NUBPL: variants seen among roughly 807,000 people sequenced by gnomAD.
NUBPL encodes iron-sulfur cluster transfer protein NUBPL.
Under a neutral mutation model 45.7 loss-of-function variants are expected in NUBPL, and 31 were observed. The ratio of observed to expected loss-of-function variants is 0.68; its 90% CI spans 0.51 to 0.92. The LOEUF (loss-of-function observed/expected upper bound fraction) is 0.92, where lower values mean the gene tolerates loss of function less well. NUBPL is among the 40% of genes least tolerant of loss of function. The pLI, the probability that NUBPL is intolerant of heterozygous loss-of-function variation, is 0.00. For synonymous variants in NUBPL, 144 were observed against 140.9 expected (o/e 1.02, Z -0.15); for missense variants, 401 against 398.7 (o/e 1.01, Z -0.05).
intron 4 of NUBPL, among the ~76,000 whole-genome samples, chr14:31,634,737 C>T (rs2035440571): frequency 6.6e-6 from 1 of 151,980 alleles, no homozygotes; most frequent in East Asian, 1.9e-4. Flanking sequence ...TCTCCACATC[C>T]TCTCCAGCAC....
chr14:31,561,486 G>T lies in NUBPL; in HGVS notation c.47G>T (p.Arg16Leu). The T allele has an allele frequency of 7.1e-7, 1 of 1,403,598 alleles. No homozygotes were observed. Among genetic ancestry groups the T allele is most frequent in the Non-Finnish European group, 9.3e-7 (1 of 1,070,334 alleles). 86.9% of individuals were successfully genotyped at this position (1,403,598 alleles called of 1,614,324 possible). A position where few individuals can be genotyped will look rare whatever the true frequency, so the allele number is the denominator to read the frequency against. The change falls in exon 1 of 11, where the codon CGG (arginine) becomes CTG (leucine). Residue 16 changes from arginine to leucine, a missense_variant. Coordinates refer to ENST00000281081, the MANE Select transcript of NUBPL (RefSeq NM_025152.3). The part of the protein sequence containing the change: ...RLLLFGGVSL[R>L]AGGGATAPLG... ...CTGCTTTTTGGTGGGGTGTCGCTCCGGGCTGGTGGCGGGGCCACTGCCCCG... is the reference window on the plus strand; with the variant it reads ...CTGCTTTTTGGTGGGGTGTCGCTCCTGGCTGGTGGCGGGGCCACTGCCCCG...
At chr14:31,690,174 C>T (rs2037060833) in intron 6 of NUBPL, among the ~76,000 whole-genome samples, 1 of 152,000 alleles carries the variant, frequency 6.6e-6, no homozygotes, top group Non-Finnish European at 1.5e-5. Flanking sequence ...GCTAGGCTAA[C>T]CCTATTATTT....
chr14:31,668,789 G>T (rs1481433631), intron 4 of NUBPL, among the ~76,000 whole-genome samples: 1 of 152,172 alleles, frequency 6.6e-6, no homozygotes, highest in East Asian at 1.9e-4. Context: ...CTTGGCTAAG[G>T]GAGGGAGGTC....
At chr14:31,750,394 A>G (rs904113930) in intron 6 of NUBPL, among the ~76,000 whole-genome samples, 6 of 145,180 alleles carry the variant, frequency 4.1e-5, no homozygotes, top group African/African-American at 1.5e-4. Context: ...TATTTTTAGT[A>G]GAGACGGGGT....
chr14:31,779,718 T>A (rs2039158506), intron 6 of NUBPL, among the ~76,000 whole-genome samples: 1 of 152,206 alleles, frequency 6.6e-6, no homozygotes. Context: ...TACAGATAGA[T>A]AACAAGGACT....
chr14:31,562,592 CT>C lies in NUBPL; in HGVS notation c.256+388del, dbSNP rs202057208. Reference sequence around the variant, plus strand: ...CTGTTATTTTTAAAACATCTAGTAACTTTTTTTTTTTGTTTTTTTTTTTTTT... The same window carrying C: ...CTGTTATTTTTAAAACATCTAGTAACTTTTTTTTTTGTTTTTTTTTTTTTT... On this transcript the variant is annotated intron_variant, in intron 2 of 10. Coordinates refer to ENST00000281081, the MANE Select transcript of NUBPL (RefSeq NM_025152.3). 1.6e-3 allele frequency among the ~76,000 whole-genome samples: 171 copies of C among 104,376 alleles called. 3 individuals carry two copies. The South Asian group carries it at 0.03, about 18-fold the overall frequency. 68.5% of individuals were successfully genotyped at this position (104,376 alleles called of 152,430 possible).
At chr14:31,649,862 CT>C (rs941777464) in intron 4 of NUBPL, among the ~76,000 whole-genome samples, 6 of 151,562 alleles carry the variant, frequency 4.0e-5, no homozygotes, top group African/African-American at 1.5e-4. Flanking sequence ...TAAAAATTCA[CT>C]TTTTTTTTGT....
chr14:31,622,929 C>A (rs562611921), intron 4 of NUBPL, among the ~76,000 whole-genome samples: 1 of 152,298 alleles, frequency 6.6e-6, no homozygotes, highest in Admixed American at 6.5e-5. Flanking sequence ...TCCTTCAGAC[C>A]CCAGAATGGT....
At chr14:31,708,906 G>A (rs2037511014) in intron 6 of NUBPL, among the ~76,000 whole-genome samples, 1 of 152,134 alleles carries the variant, frequency 6.6e-6, no homozygotes, top group Non-Finnish European at 1.5e-5. Context: ...TTTCTCATTG[G>A]ACAATCTTTT....
intron 6 of NUBPL, among the ~76,000 whole-genome samples, chr14:31,765,885 C>G (rs754254057): frequency 2.6e-5 from 4 of 152,090 alleles, no homozygotes; most frequent in Non-Finnish European, 5.9e-5. Context: ...GACATGTACA[C>G]ATATGTATAC....
At chr14:31,670,656 G>C (rs914274317) in intron 4 of NUBPL, among the ~76,000 whole-genome samples, 1 of 152,150 alleles carries the variant, frequency 6.6e-6, no homozygotes, top group Non-Finnish European at 1.5e-5. Context: ...TGTATATGGT[G>C]TAAGAAAGGG....
intron 3 of NUBPL, 122 bp from the exon 4 acceptor site, chr14:31,599,167 G>A: frequency 1.3e-6 from 1 of 749,718 alleles, no homozygotes; most frequent in Non-Finnish European, 2.3e-6. Flanking sequence ...GTAATATTTT[G>A]CCAATTTTAT....
intron 8 of NUBPL, among the ~76,000 whole-genome samples, chr14:31,837,569 A>G (rs980188563): frequency 1.3e-5 from 2 of 152,182 alleles, no homozygotes; most frequent in Admixed American, 1.3e-4. Flanking sequence ...GTTAATTTTA[A>G]TAATATATGT....
Position 31,626,890 on chromosome 14 carries a change from T to C in NUBPL, c.382+27511T>C, listed in dbSNP as rs1247591930. Reference sequence around the variant, plus strand: ...AGAATTGAAAGCCCAGAAGGGTGTCTTCATGGGAACCACATTTCAGGGACA... The same window carrying C: ...AGAATTGAAAGCCCAGAAGGGTGTCCTCATGGGAACCACATTTCAGGGACA... On this transcript the variant is annotated intron_variant, in intron 4 of 10. Coordinates refer to ENST00000281081, the MANE Select transcript of NUBPL (RefSeq NM_025152.3). Among the ~76,000 whole-genome samples, 4 of 152,154 alleles carry C rather than the reference T, an allele frequency of 2.6e-5. 1 individual carries two copies. Among genetic ancestry groups the C allele is most frequent in the South Asian group, 4.1e-4 (2 of 4,822 alleles).
chr14:31,728,019 C>A (rs1331441920), intron 6 of NUBPL, among the ~76,000 whole-genome samples: 1 of 152,068 alleles, frequency 6.6e-6, no homozygotes, highest in East Asian at 1.9e-4. Flanking sequence ...ATTATAAAAT[C>A]AAAAAATTTT....
chr14:31,809,329 C>T, intron 7 of NUBPL, among the ~76,000 whole-genome samples: 1 of 152,150 alleles, frequency 6.6e-6, no homozygotes, highest in Non-Finnish European at 1.5e-5. Flanking sequence ...TCAGCTTCTT[C>T]CTGGTTTAGT....
intron 6 of NUBPL, among the ~76,000 whole-genome samples, chr14:31,693,982 A>G (rs919337367): frequency 6.6e-6 from 1 of 150,818 alleles, no homozygotes; most frequent in Admixed American, 6.6e-5. Flanking sequence ...CAGCCTCCTG[A>G]GTGGCTGGGA....
chr14:31,760,597 C>T (rs2138725541), intron 6 of NUBPL, among the ~76,000 whole-genome samples: 1 of 152,202 alleles, frequency 6.6e-6, no homozygotes, highest in Non-Finnish European at 1.5e-5. Flanking sequence ...TGGCTTATTT[C>T]ACTTAACATA....
chr14:31,573,188 C>T (rs993843523), intron 3 of NUBPL, among the ~76,000 whole-genome samples: 12 of 152,200 alleles, frequency 7.9e-5, no homozygotes, highest in African/African-American at 2.9e-4. Context: ...TGTCACTAGG[C>T]AATGGGAATC....
Sources: gnomAD v4.1 joint callset for allele counts (sites outside exome capture counted in the v4.1 genomes callset) on GRCh38, gnomAD v4.1.1 for gene constraint, MANE v1.5 for transcripts, NCBI Gene and HGNC (gene_info 2026-07-23, HGNC 2026-07-21) for gene names.